Variants in PSD3 observed in about 807,000 individuals in gnomAD.
The protein encoded by PSD3 is pleckstrin and Sec7 domain containing 3.
PSD3 carries 49 observed loss-of-function variants against 105.5 expected under a neutral mutation model. That is an observed-to-expected ratio of 0.46 (90% CI 0.37 to 0.59). The LOEUF (loss-of-function observed/expected upper bound fraction) is 0.59, where lower values mean the gene tolerates loss of function less well. PSD3 is among the 20% of genes least tolerant of loss of function. PSD3 has a pLI of 0.00. For synonymous variants in PSD3, 557 were observed against 457.8 expected (o/e 1.22, Z -2.77); for missense variants, 1,561 against 1,263.8 (o/e 1.24, Z -3.57).
At chr8:18,925,436 A>G (rs1821301186) in intron 2 of PSD3, among the ~76,000 whole-genome samples, 1 of 151,992 alleles carries the variant, frequency 6.6e-6, no homozygotes, top group South Asian at 2.1e-4. Context: ...TATAATAAAA[A>G]TTCTCTAATT....
chr8:18,970,459 G>C (rs1277564952), intron 1 of PSD3, among the ~76,000 whole-genome samples: 1 of 151,510 alleles, frequency 6.6e-6, no homozygotes, highest in African/African-American at 2.4e-5. Flanking sequence ...TAAAGGTCTG[G>C]AAAAACTTCA....
chr8:18,783,570 T>G (rs773341469), intron 8 of PSD3, among the ~76,000 whole-genome samples: 2 of 152,218 alleles, frequency 1.3e-5, no homozygotes, highest in Non-Finnish European at 2.9e-5. Flanking sequence ...TTTAGAGCAA[T>G]AATTTGCAAT....
intron 15 of PSD3, among the ~76,000 whole-genome samples, chr8:18,553,321 A>T (rs1413485536): frequency 2.0e-5 from 3 of 151,874 alleles, no homozygotes; most frequent in Admixed American, 6.6e-5. Flanking sequence ...GTCACTGCCC[A>T]TCTGTGGGCT....
intron 10 of PSD3, among the ~76,000 whole-genome samples, chr8:18,651,911 G>C (rs149442132): frequency 1.3e-4 from 20 of 152,278 alleles, no homozygotes; most frequent in African/African-American, 4.1e-4. Context: ...CAGCACATAG[G>C]AACTTCACAG....
chr8:18,554,759 T>TA (rs1212267125), intron 15 of PSD3, among the ~76,000 whole-genome samples: 2 of 152,014 alleles, frequency 1.3e-5, no homozygotes, highest in African/African-American at 4.8e-5. Flanking sequence ...AACTTCAGCT[T>TA]AAAAAAATTG....
chr8:18,601,305 G>A (rs1156684647), intron 11 of PSD3, among the ~76,000 whole-genome samples: 1 of 152,108 alleles, frequency 6.6e-6, no homozygotes, highest in African/African-American at 2.4e-5. Context: ...ATCTATAACT[G>A]GAAAATGTTA....
chr8:18,947,133 A>G (rs1255129786), intron 1 of PSD3, among the ~76,000 whole-genome samples: 1 of 152,152 alleles, frequency 6.6e-6, no homozygotes, highest in African/African-American at 2.4e-5. Context: ...CAAGTAAAAA[A>G]GTAAAACTGG....
At chr8:19,076,004 G>A (rs1013212634) in intron 1 of PSD3, among the ~76,000 whole-genome samples, 1 of 152,108 alleles carries the variant, frequency 6.6e-6, no homozygotes, top group African/African-American at 2.4e-5. Context: ...CACAGGCTAC[G>A]AACACAAGGC....
intron 11 of PSD3, among the ~76,000 whole-genome samples, chr8:18,612,411 T>A (rs554871014): frequency 2.0e-5 from 3 of 152,116 alleles, no homozygotes; most frequent in Non-Finnish European, 4.4e-5. Context: ...TCTTGCTCTG[T>A]TGCCAGACTG....
chr8:18,554,825 T>C (rs902032557), intron 15 of PSD3, among the ~76,000 whole-genome samples: 1 of 152,070 alleles, frequency 6.6e-6, no homozygotes, highest in African/African-American at 2.4e-5. Context: ...AGGTTTTTCA[T>C]AGGAGGAATT....
At chr8:18,594,815 A>T (rs1803969811) in intron 12 of PSD3, among the ~76,000 whole-genome samples, 1 of 152,042 alleles carries the variant, frequency 6.6e-6, no homozygotes, top group Non-Finnish European at 1.5e-5. Flanking sequence ...CCTACACATC[A>T]CTTCATTGGC....
At position 18,569,156 on chromosome 8, in the gene PSD3, G is replaced by A. The variant is rs939873024; in HGVS notation, c.2784+3372C>T. The stretch of plus-strand genomic sequence containing the variant: ...AGTCTTTGCTATTGTGAATAATGCC[G>A]CAATAAACATACGTGTGCATGTGTC... On this transcript the variant is annotated intron_variant, in intron 14 of 15. Coordinates refer to ENST00000327040, the MANE Select transcript of PSD3 (RefSeq NM_015310.4). Among the ~76,000 whole-genome samples the A allele has an allele frequency of 1.0e-3, 131 of 131,048 alleles. 1 individual carries two copies. Among genetic ancestry groups the A allele is most frequent in the African/African-American group, 2.5e-4 (9 of 35,590 alleles). The allele number at this position is 131,048 out of a possible 152,430, so 86.0% of individuals were successfully genotyped here.
At chr8:19,033,215 A>G (rs1827828121) in intron 1 of PSD3, among the ~76,000 whole-genome samples, 1 of 152,042 alleles carries the variant, frequency 6.6e-6, no homozygotes, top group Non-Finnish European at 1.5e-5. Flanking sequence ...GTTATTTCAT[A>G]GATAGAGAAA....
At chr8:19,061,145 C>A (rs887555792) in intron 1 of PSD3, among the ~76,000 whole-genome samples, 1 of 152,100 alleles carries the variant, frequency 6.6e-6, no homozygotes. Context: ...TATAACTACA[C>A]AGACAGTTTA....
intron 14 of PSD3, among the ~76,000 whole-genome samples, chr8:18,572,272 C>A (rs6984438): frequency 0.3 from 45,355 of 152,092 alleles, 7,394 homozygotes; most frequent in Non-Finnish European, 0.37. Flanking sequence ...AAGTATTGCT[C>A]ATAATGAACT....
At chr8:18,916,164 T>C (rs1348929636) in intron 2 of PSD3, among the ~76,000 whole-genome samples, 1 of 151,652 alleles carries the variant, frequency 6.6e-6, no homozygotes, top group Non-Finnish European at 1.5e-5. Flanking sequence ...TCTGTGTATT[T>C]AGCCAAAGGA....
chr8:19,071,980 G>C (rs1829280518), intron 1 of PSD3, among the ~76,000 whole-genome samples: 1 of 152,144 alleles, frequency 6.6e-6, no homozygotes, highest in South Asian at 2.1e-4. Flanking sequence ...AAAGTGCTGG[G>C]ATTCCAGGCG....
chr8:19,013,342 C>CT (rs1328180683), intron 1 of PSD3, among the ~76,000 whole-genome samples: 1 of 152,014 alleles, frequency 6.6e-6, no homozygotes, highest in East Asian at 1.9e-4. Flanking sequence ...ACTAAAACCC[C>CT]TAAACCTTAA....
At chr8:18,596,226 G>A (rs191632296) in intron 12 of PSD3, among the ~76,000 whole-genome samples, 1 of 151,880 alleles carries the variant, frequency 6.6e-6, no homozygotes, top group Non-Finnish European at 1.5e-5. Context: ...CAAACAATAT[G>A]CCAAAACTTG....
Sources: allele counts gnomAD v4.1 joint callset (sites outside exome capture counted in the v4.1 genomes callset), GRCh38; gene constraint gnomAD v4.1.1; transcripts MANE v1.5; gene names NCBI Gene and HGNC (gene_info 2026-07-23, HGNC 2026-07-21).